The following CYP27A1 variants were observed in gnomAD, a reference collection of about 807,000 sequenced individuals.
CYP27A1 encodes the protein cytochrome P450 family 27 subfamily A member 1.
Under a neutral mutation model 58.2 loss-of-function variants are expected in CYP27A1, and 46 were observed. The ratio of observed to expected loss-of-function variants is 0.79; its 90% CI spans 0.62 to 1.01. The LOEUF (loss-of-function observed/expected upper bound fraction) is 1.01. Among genes scored for constraint, CYP27A1 ranks in the 50% least tolerant of loss-of-function variants. The probability of loss-of-function intolerance (pLI) is 0.00; values close to 1 mark genes in which losing one functional copy is unlikely to be tolerated. For missense variants in CYP27A1, 704 were observed against 687.0 expected, an observed-to-expected ratio of 1.02 and a Z score of -0.28; for synonymous variants, 274 against 285.1, an observed-to-expected ratio of 0.96 and a Z score of 0.39.
At chr2:218,785,714 C>T (rs566929069) in intron 1 of CYP27A1, among the ~76,000 whole-genome samples, 8 of 152,168 alleles carry the variant, frequency 5.3e-5, no homozygotes, top group Non-Finnish European at 7.4e-5. Flanking sequence ...TTGGGGCACA[C>T]GAACCTGGGC....
In CYP27A1 at chr2:218,782,326, T is replaced by C; in HGVS notation, c.144T>C (p.Pro48=). Residue 48 remains proline (P), a synonymous_variant, in exon 1 of 9, where the codon CCT becomes CCC. Coordinates refer to ENST00000258415, the MANE Select transcript of CYP27A1 (RefSeq NM_000784.4). This position sits in a 1 kb window ranked among gnomAD's most constrained non-coding sequence, Gnocchi z 4.1. ...CCACCGGAGCTCCCGGAGCCGGGCC[T>C]GGTGTCCGGCGGCGGCAACGGAGCT... is the stretch of plus-strand genomic sequence containing the variant. The part of the protein sequence containing the change: ...DKATGAPGAG[P]GVRRRQRSLE... 1.2e-6 allele frequency: 2 copies of C among 1,613,138 alleles called. No individual in the cohort carries two copies. The highest frequency in any genetic ancestry group is 1.1e-5 in the South Asian group (1 of 90,952).
intron 2 of CYP27A1, 39 bp downstream of exon 2, chr2:218,809,806 A>G: frequency 6.3e-7 from 1 of 1,588,850 alleles, no homozygotes. Context: ...AGGGCCCCAG[A>G]GGGCCAGGGC....
rs1943403066 is a variant in CYP27A1, at chr2:218,782,549, AC to A, written c.255+115del. ...GAAGGCTGCAGGAACTCAGCTGGGG[AC>A]CCACTGAGGCTATGGTCATAAACTG... On this transcript the variant is annotated intron_variant, in intron 1 of 8. Transcript: ENST00000258415. This position sits in a 1 kb window ranked among gnomAD's most constrained non-coding sequence, Gnocchi z 4.1. 3 of 1,359,720 alleles carry A rather than the reference AC, an allele frequency of 2.2e-6. No homozygotes were observed. The East Asian group carries it at 6.9e-5, about 31-fold the overall frequency. The allele number at this position is 1,359,720 out of a possible 1,614,324, so 84.2% of individuals were successfully genotyped here. A position where few individuals can be genotyped will look rare whatever the true frequency, so the allele number is the denominator to read the frequency against.
At chr2:218,806,418 G>A (rs557514693) in intron 1 of CYP27A1, among the ~76,000 whole-genome samples, 1 of 152,328 alleles carries the variant, frequency 6.6e-6, no homozygotes, top group East Asian at 1.9e-4. Context: ...CAACTCAGAG[G>A]GGGTGCGGTA....
In CYP27A1 at chr2:218,798,411, A is replaced by C. The variant is rs11904500; in HGVS notation, c.256-11166A>C. Reference sequence around the variant, plus strand: ...CATGTTATAATGGTAACTCCTGGCAATTTTAACTTTAATGTAAAGCCTGGT... The same window carrying C: ...CATGTTATAATGGTAACTCCTGGCACTTTTAACTTTAATGTAAAGCCTGGT... On this transcript the variant is annotated intron_variant, in intron 1 of 8. Coordinates refer to ENST00000258415, the MANE Select transcript of CYP27A1 (RefSeq NM_000784.4). Among the ~76,000 whole-genome samples the C allele has an allele frequency of 6.8e-3, 1,029 of 152,318 alleles. 13 individuals are homozygous for C. The highest frequency in any genetic ancestry group is 0.023 in the African/African-American group (951 of 41,572).
chr2:218,809,835 G>T, intron 2 of CYP27A1, 68 bp downstream of exon 2: 1 of 1,465,606 alleles, frequency 6.8e-7, no homozygotes. Flanking sequence ...GTGGGCACAG[G>T]GCAGGCAGGT....
intron 1 of CYP27A1, among the ~76,000 whole-genome samples, chr2:218,794,158 C>T (rs888113134): frequency 1.3e-5 from 2 of 152,176 alleles, no homozygotes; most frequent in African/African-American, 4.8e-5. Context: ...CCTCTGCAAA[C>T]GGGTAAACCT....
chr2:218,812,509 G>A, intron 3 of CYP27A1, 43 bp from the exon 4 acceptor site: 1 of 1,612,540 alleles, frequency 6.2e-7, no homozygotes, highest in Non-Finnish European at 8.5e-7. Flanking sequence ...GATTCCATAT[G>A]TCCTGGTTCT....
At chr2:218,810,735 C>A (rs1039990460) in intron 2 of CYP27A1, among the ~76,000 whole-genome samples, 2 of 152,076 alleles carry the variant, frequency 1.3e-5, no homozygotes, top group African/African-American at 4.8e-5. Flanking sequence ...TAGGTCTATT[C>A]TGGTTTTCAT....
chr2:218,801,958 G>A (rs1017952986), intron 1 of CYP27A1, among the ~76,000 whole-genome samples: 2 of 149,828 alleles, frequency 1.3e-5, no homozygotes, highest in African/African-American at 4.9e-5. Context: ...GGCTTTGGCT[G>A]GGGCTGCAGC....
At chr2:218,801,484 C>T (rs1943599327) in intron 1 of CYP27A1, among the ~76,000 whole-genome samples, 1 of 151,074 alleles carries the variant, frequency 6.6e-6, no homozygotes, top group Non-Finnish European at 1.5e-5. Context: ...CCAGCCTGAG[C>T]AACAGAGTGA....
intron 1 of CYP27A1, among the ~76,000 whole-genome samples, chr2:218,806,173 AT>A (rs2105977383): frequency 6.6e-6 from 1 of 152,378 alleles, no homozygotes; most frequent in South Asian, 2.1e-4. Flanking sequence ...TGCTGTTCAG[AT>A]TTTTATTAAA....
intron 1 of CYP27A1, among the ~76,000 whole-genome samples, chr2:218,798,757 C>T (rs1055172454): frequency 2.0e-5 from 3 of 152,090 alleles, no homozygotes; most frequent in Admixed American, 6.5e-5. Flanking sequence ...GTGGCATATG[C>T]CTGTAATCCC....
intron 1 of CYP27A1, among the ~76,000 whole-genome samples, chr2:218,803,501 G>A (rs1943619546): frequency 6.6e-6 from 1 of 152,008 alleles, no homozygotes; most frequent in South Asian, 2.1e-4. Flanking sequence ...TCTTGGCACT[G>A]CAACCTCTGC....
intron 2 of CYP27A1, among the ~76,000 whole-genome samples, chr2:218,810,454 G>T (rs538152019): frequency 1.3e-5 from 2 of 152,250 alleles, no homozygotes; most frequent in Non-Finnish European, 2.9e-5. Context: ...TCTAAAGCCA[G>T]TTTCCTGAAT....
intron 1 of CYP27A1, among the ~76,000 whole-genome samples, chr2:218,785,649 G>C (rs1015100683): frequency 1.3e-5 from 2 of 151,948 alleles, no homozygotes; most frequent in Admixed American, 6.6e-5. Context: ...GGAGAGTCTA[G>C]GGCTGGGATA....
At chr2:218,798,948 A>G (rs1472486342) in intron 1 of CYP27A1, among the ~76,000 whole-genome samples, 1 of 152,092 alleles carries the variant, frequency 6.6e-6, no homozygotes, top group Non-Finnish European at 1.5e-5. Flanking sequence ...AAAGCAGATT[A>G]CCCTCCGTAA....
rs555398469 is a variant in CYP27A1 at position 218,784,644 on chromosome 2, G to A, written c.255+2207G>A. Among the ~76,000 whole-genome samples the A allele has an allele frequency of 5.9e-5, 9 of 152,332 alleles. No individual in the cohort carries two copies. In the South Asian group the frequency reaches 1.5e-3, roughly 25 times the overall value. On this transcript the variant is annotated intron_variant, in intron 1 of 8. Coordinates refer to ENST00000258415, the MANE Select transcript of CYP27A1 (RefSeq NM_000784.4). ...ATTGTAACTTATAAACCAGCCTTGT[G>A]TAGAAAATGTTATAACCCTATGAAA...
Position 218,813,095 on chromosome 2 carries a change from CG to C in CYP27A1, c.1017+1del, listed in dbSNP as rs1559392904. 8 of 1,608,962 alleles carry C rather than the reference CG, an allele frequency of 5.0e-6. No homozygotes were observed. The highest frequency in any genetic ancestry group is 6.8e-6 in the Non-Finnish European group (8 of 1,176,486). ...LPELLMAGVD[T>X]TSNTLTWALY... ...GAGCTGCTCATGGCTGGAGTGGACA[CG>C]GTGCGTGAAGGGGGAGGGTGAGACC... On this transcript the variant is annotated frameshift_variant and splice_region_variant, in exon 5 of 9. Transcript: ENST00000258415. LOFTEE classifies it high-confidence loss of function.
Sources: gnomAD v4.1 joint callset for allele counts (sites outside exome capture counted in the v4.1 genomes callset) on GRCh38, gnomAD v4.1.1 for gene constraint, Gnocchi (gnomAD v3.1) non-coding constraint, MANE v1.5 for transcripts, NCBI Gene and HGNC (gene_info 2026-07-23, HGNC 2026-07-21) for gene names.